The following LYRM7 variants were observed in gnomAD, a reference collection of about 807,000 sequenced individuals.
LYRM7 encodes the protein complex III assembly factor LYRM7.
In LYRM7, 9 loss-of-function variants were observed where a neutral mutation model predicts 15.8. That is an observed-to-expected ratio of 0.57 (90% CI 0.34 to 0.99). The LOEUF (loss-of-function observed/expected upper bound fraction) is 0.99. LYRM7 is among the 50% of genes least tolerant of loss of function. The pLI is 0.02. For missense variants in LYRM7, 115 were observed against 119.1 expected (o/e 0.97, Z 0.16); for synonymous variants, 39 against 39.4 (o/e 0.99, Z 0.04).
At position 131,180,095 on chromosome 5, in the gene LYRM7, G is replaced by T; in HGVS notation, c.19G>T (p.Val7Phe). The T allele has an allele frequency of 6.2e-7, 1 of 1,608,942 alleles. No individual in the cohort carries two copies. The highest frequency in any genetic ancestry group is 8.5e-7 in the Non-Finnish European group (1 of 1,176,050). The change falls in exon 2 of 5, where the codon GTT (valine) becomes TTT (phenylalanine). Residue 7 changes from valine (V) to phenylalanine (F), a missense_variant and splice_region_variant. Coordinates refer to ENST00000379380, the MANE Select transcript of LYRM7 (RefSeq NM_181705.4). ...CCTTGAATTCTGATTTTCTTAACAGGTTTTACAGCTCTTTAAAACACTGCA... is the reference window on the plus strand; with the variant it reads ...CCTTGAATTCTGATTTTCTTAACAGTTTTTACAGCTCTTTAAAACACTGCA... Reference protein sequence around the residue: MGRAVKVLQLFKTLHRT... With the variant: MGRAVKFLQLFKTLHRT...
Position 131,203,389 on chromosome 5 carries a change from A to G in LYRM7, c.*3788A>G, listed in dbSNP as rs1003273243. 6.6e-6 allele frequency: 1 copy of G among 152,274 alleles called. No homozygotes were observed. The highest frequency in any genetic ancestry group is 1.5e-5 in the Non-Finnish European group (1 of 68,060). The allele number at this position is 152,274 out of a possible 1,614,324, so 9.4% of individuals were successfully genotyped here. On this transcript the variant is annotated 3_prime_UTR_variant, in exon 5 of 5. Coordinates refer to ENST00000379380, the MANE Select transcript of LYRM7 (RefSeq NM_181705.4). ...AGGACAATTGAAAATTCTGGAGATGACAGTTTTTCAAAAATCTATTGAGGC... is the reference window on the plus strand; with the variant it reads ...AGGACAATTGAAAATTCTGGAGATGGCAGTTTTTCAAAAATCTATTGAGGC...
chr5:131,187,233 A>G (rs1755810404), intron 4 of LYRM7, 124 bp downstream of exon 4: 1 of 545,508 alleles, frequency 1.8e-6, no homozygotes. Flanking sequence ...GGTATATAGC[A>G]TATATATTTT....
chr5:131,184,792 T>G (rs1417443460), intron 3 of LYRM7, among the ~76,000 whole-genome samples: 2 of 152,164 alleles, frequency 1.3e-5, no homozygotes, highest in East Asian at 3.9e-4. Flanking sequence ...AGACCCATTA[T>G]TTTCTCCTTC....
At chr5:131,186,754 G>T (rs1193374284) in intron 3 of LYRM7, among the ~76,000 whole-genome samples, 1 of 152,180 alleles carries the variant, frequency 6.6e-6, no homozygotes, top group Non-Finnish European at 1.5e-5. Flanking sequence ...ACAAATAAAT[G>T]ATTCACATCC....
chr5:131,196,246 C>T (rs73786624), intron 4 of LYRM7, among the ~76,000 whole-genome samples: 1,584 of 151,536 alleles, frequency 0.01, 28 homozygotes, highest in African/African-American at 0.036. Flanking sequence ...CTGGGACTAC[C>T]GCTCGGGCAA....
chr5:131,180,302 AT>A, intron 2 of LYRM7, 135 bp downstream of exon 2: 1 of 514,944 alleles, frequency 1.9e-6, no homozygotes, highest in Non-Finnish European at 3.4e-6. Flanking sequence ...TTTTATAAAG[AT>A]TAGCTTATAT....
intron 1 of LYRM7, 126 bp downstream of exon 1, chr5:131,171,164 C>T: frequency 9.7e-7 from 1 of 1,030,546 alleles, no homozygotes; most frequent in Non-Finnish European, 1.3e-6. Context: ...GTGGCTGTTA[C>T]CCCAGAGAAG....
At chr5:131,171,126 CTGGGG>C in intron 1 of LYRM7, 88 bp downstream of exon 1, 2 of 1,312,272 alleles carry the variant, frequency 1.5e-6, no homozygotes, top group Non-Finnish European at 2.0e-6. Flanking sequence ...TCTCTGGAGG[CTGGGG>C]CTCCTGACCC....
At chr5:131,176,013 G>A (rs1181325361) in intron 1 of LYRM7, among the ~76,000 whole-genome samples, 3 of 152,180 alleles carry the variant, frequency 2.0e-5, no homozygotes, top group Non-Finnish European at 4.4e-5. Flanking sequence ...ACCCACCTCA[G>A]CTTCCCAAAG....
intron 1 of LYRM7, among the ~76,000 whole-genome samples, chr5:131,175,418 C>G (rs1580691718): frequency 6.6e-6 from 1 of 151,910 alleles, no homozygotes; most frequent in East Asian, 2.0e-4. Context: ...AGGCTGGTCT[C>G]AAACTCCTGA....
chr5:131,186,756 T>G (rs1462327404), intron 3 of LYRM7, among the ~76,000 whole-genome samples: 3 of 152,162 alleles, frequency 2.0e-5, no homozygotes, highest in African/African-American at 7.2e-5. Context: ...AAATAAATGA[T>G]TCACATCCCA....
Position 131,180,075 on chromosome 5 carries a change from A to C in LYRM7, c.19-20A>C. The C allele has an allele frequency of 6.3e-7, 1 of 1,584,314 alleles. No individual in the cohort carries two copies. Among genetic ancestry groups the C allele is most frequent in the Non-Finnish European group, 8.7e-7 (1 of 1,154,382 alleles). On this transcript the variant is annotated intron_variant, in intron 1 of 4. Transcript: ENST00000379380. ...GCATGAGCCACTGTGCCCAACCTTG[A>C]ATTCTGATTTTCTTAACAGGTTTTA...
At chr5:131,196,898 C>T (rs989071664) in intron 4 of LYRM7, among the ~76,000 whole-genome samples, 2 of 151,964 alleles carry the variant, frequency 1.3e-5, no homozygotes, top group Non-Finnish European at 2.9e-5. Flanking sequence ...CTTTGTGATC[C>T]GCCCACCTCG....
In LYRM7 at chr5:131,185,483, G is replaced by A. The variant is rs188006262; in HGVS notation, c.163-1545G>A. Among the ~76,000 whole-genome samples, 186 of 152,264 alleles carry A rather than the reference G, an allele frequency of 1.2e-3. 1 individual carries two copies. The highest frequency in any genetic ancestry group is 4.3e-3 in the African/African-American group (177 of 41,540). ...CTTTAATTGATATTTCCCTGTGAAT[G>A]GATTTTTTACCCATGCATGATTTTG... On this transcript the variant is annotated intron_variant, in intron 3 of 4. Coordinates refer to ENST00000379380, the MANE Select transcript of LYRM7 (RefSeq NM_181705.4).
intron 3 of LYRM7, among the ~76,000 whole-genome samples, chr5:131,186,245 G>C (rs1755793200): frequency 6.6e-6 from 1 of 152,186 alleles, no homozygotes; most frequent in South Asian, 2.1e-4. Context: ...TGGAGTTCAA[G>C]TGTTCTGAAC....
chr5:131,181,362 A>ACACACAC (rs1755697247), intron 2 of LYRM7, among the ~76,000 whole-genome samples: 2 of 32,972 alleles, frequency 6.1e-5, no homozygotes, highest in Non-Finnish European at 5.0e-5. Context: ...TATATATATT[A>ACACACAC]ACATATATAT....
rs1192735462 is a variant in LYRM7, at chr5:131,203,234, T to C, written c.*3633T>C. 6.6e-6 allele frequency: 1 copy of C among 152,280 alleles called. No individual in the cohort carries two copies. Among genetic ancestry groups the C allele is most frequent in the Non-Finnish European group, 1.5e-5 (1 of 68,018 alleles). The allele number at this position is 152,280 out of a possible 1,614,324, so 9.4% of individuals were successfully genotyped here. A position where few individuals can be genotyped will look rare whatever the true frequency, so the allele number is the denominator to read the frequency against. On this transcript the variant is annotated 3_prime_UTR_variant, in exon 5 of 5. Transcript: ENST00000379380. The stretch of plus-strand genomic sequence containing the variant: ...TTTACTGTATATCAGTTGTCACCAA[T>C]CAGAAATGGAAAACAGATCCTATTT...
chr5:131,174,759 G>A (rs745569050), intron 1 of LYRM7, among the ~76,000 whole-genome samples: 7 of 152,066 alleles, frequency 4.6e-5, no homozygotes, highest in Non-Finnish European at 8.8e-5. Context: ...TGGGAGGATC[G>A]CTTGAGCCCA....
chr5:131,187,249 G>A, intron 4 of LYRM7, 140 bp downstream of exon 4: 1 of 503,864 alleles, frequency 2.0e-6, no homozygotes, highest in Non-Finnish European at 3.6e-6. Flanking sequence ...ATTTTACAAG[G>A]TTATAGTCTA....
Sources: gnomAD v4.1 joint callset for allele counts (sites outside exome capture counted in the v4.1 genomes callset) on GRCh38, gnomAD v4.1.1 for gene constraint, MANE v1.5 for transcripts, NCBI Gene and HGNC (gene_info 2026-07-23, HGNC 2026-07-21) for gene names.